The following TET2 variants were observed in gnomAD, a reference collection of about 807,000 sequenced individuals.
The protein encoded by TET2 is tet methylcytosine dioxygenase 2.
Under a neutral mutation model 142.9 loss-of-function variants are expected in TET2, and 299 were observed. The observed-to-expected ratio is 2.09, with a 90% CI of 1.90 to 2.30. The LOEUF (loss-of-function observed/expected upper bound fraction) is 2.30. TET2 is among the 30% of genes most tolerant of loss of function. TET2 has a pLI of 0.00. For synonymous variants in TET2, 819 were observed against 849.0 expected, an observed-to-expected ratio of 0.96 and a Z score of 0.61; for missense variants, 2,418 against 2,378.0, an observed-to-expected ratio of 1.02 and a Z score of -0.35.
At position 105,240,277 on chromosome 4, in the gene TET2, T is replaced by A. The variant is rs1015421582; in HGVS notation, c.3410-1062T>A. On this transcript the variant is annotated intron_variant, in intron 3 of 10. Transcript: ENST00000380013. ...TTCAGTTTGTAAAAGTCACAGTAAC[T>A]GTGACTCACAAAAGAACAAAGCACA... 6.3e-6 allele frequency: 6 copies of A among 953,532 alleles called. No homozygotes were observed. In the African/African-American group the frequency reaches 1.0e-4, roughly 17 times the overall value. 59.1% of individuals were successfully genotyped at this position (953,532 alleles called of 1,614,324 possible).
intron 2 of TET2, among the ~76,000 whole-genome samples, chr4:105,233,383 C>CAAAAAAAAAA (rs34890297): frequency 0.43 from 32,064 of 75,262 alleles, 8,508 homozygotes; most frequent in Non-Finnish European, 0.49. Context: ...GACTCCATCT[C>CAAAAAAAAAA]AAAAAAAAAA....
intron 6 of TET2, among the ~76,000 whole-genome samples, chr4:105,248,355 C>T (rs1043788941): frequency 1.3e-5 from 2 of 152,062 alleles, no homozygotes; most frequent in African/African-American, 4.8e-5. Context: ...TTTTTCTATG[C>T]TGTATACATT....
intron 2 of TET2, among the ~76,000 whole-genome samples, chr4:105,211,092 C>T (rs1018110556): frequency 4.6e-5 from 7 of 152,192 alleles, no homozygotes; most frequent in African/African-American, 1.4e-4. Context: ...CTCTTCTCCT[C>T]AGCTATATCA....
chr4:105,204,639 A>C (rs1726709586), intron 2 of TET2, among the ~76,000 whole-genome samples: 1 of 152,174 alleles, frequency 6.6e-6, no homozygotes, highest in Non-Finnish European at 1.5e-5. Context: ...AGTTTAAAGA[A>C]TATTTTCAAT....
At chr4:105,244,153 T>G (rs1016199349) in intron 6 of TET2, among the ~76,000 whole-genome samples, 4 of 152,222 alleles carry the variant, frequency 2.6e-5, no homozygotes, top group Non-Finnish European at 5.9e-5. Flanking sequence ...AAACAGAAAG[T>G]AAGTCTAATG....
At chr4:105,204,230 T>C (rs1291513737) in intron 2 of TET2, among the ~76,000 whole-genome samples, 2 of 100,500 alleles carry the variant, frequency 2.0e-5, no homozygotes, top group South Asian at 2.8e-4. Context: ...AAAAAAAAAA[T>C]ATATACACAC....
chr4:105,201,732 C>CTTTTTTTT, intron 2 of TET2, among the ~76,000 whole-genome samples: 1 of 63,052 alleles, frequency 1.6e-5, no homozygotes, highest in Non-Finnish European at 2.7e-5. Flanking sequence ...CATCCAGGAC[C>CTTTTTTTT]TTTTTTTTTT....
chr4:105,211,480 C>A (rs2110546234), intron 2 of TET2, among the ~76,000 whole-genome samples: 1 of 152,158 alleles, frequency 6.6e-6, no homozygotes. Context: ...CCAGTCCAGC[C>A]CCCTGAGGTG....
At chr4:105,190,722 G>C in intron 2 of TET2, 1 of 450,842 alleles carries the variant, frequency 2.2e-6, no homozygotes, top group Non-Finnish European at 3.9e-6. Flanking sequence ...TTTTTCTGGA[G>C]AAAGATAGAT....
chr4:105,234,917 A>G lies in TET2; in HGVS notation c.975A>G (p.Gln325=). 1 of 1,614,100 alleles carries G rather than the reference A, an allele frequency of 6.2e-7. No homozygotes were observed. The highest frequency in any genetic ancestry group is 8.5e-7 in the Non-Finnish European group (1 of 1,180,006). ...SFQKPEQLQQ[Q]KSVFEICPSP... The stretch of plus-strand genomic sequence containing the variant: ...AGAAACCAGAACAACTACAACAACA[A>G]AAATCAGTTTTTGAGATATGCCCAT... Residue 325 remains glutamine, a synonymous_variant, in exon 3 of 11, where the codon CAA becomes CAG. Transcript: ENST00000380013.
Position 105,276,837 on chromosome 4 carries a change from A to ACCC in TET2, c.*318_*319insCCC, listed in dbSNP as rs1560575159. On this transcript the variant is annotated 3_prime_UTR_variant, in exon 11 of 11. Transcript: ENST00000380013. ...TTGGACGAGATGATATGTAAATGTG[A>ACCC]TCCCCCCCCCCCGCTTACAACTCTA... The ACCC allele has an allele frequency of 4.3e-5, 7 of 161,522 alleles. No homozygotes were observed. The highest frequency in any genetic ancestry group is 2.3e-4 in the African/African-American group (5 of 21,860). The allele number at this position is 161,522 out of a possible 1,614,324, so 10.0% of individuals were successfully genotyped here.
chr4:105,180,908 GA>G (rs369728860), intron 1 of TET2, among the ~76,000 whole-genome samples: 238 of 152,266 alleles, frequency 1.6e-3, no homozygotes, highest in African/African-American at 5.6e-3. Flanking sequence ...CAAAGTGCTG[GA>G]ATTACAGGCG....
At position 105,233,383 on chromosome 4, in the gene TET2, C is replaced by CAAAAAAAAAAAAAAAAAAAA. The variant is rs34890297; in HGVS notation, c.-46-496_-46-495insAAAAAAAAAAAAAAAAAAAA. On this transcript the variant is annotated intron_variant, in intron 2 of 10. Transcript: ENST00000380013. ...TGGGCAAGAGAGTGAGACTCCATCTCAAAAAAAAAAAAAAAAAAGCTACTG... is the reference window on the plus strand; with the variant it reads ...TGGGCAAGAGAGTGAGACTCCATCTCAAAAAAAAAAAAAAAAAAAAAAAAAAAAAAAAAAAAAAGCTACTG... Among the ~76,000 whole-genome samples the CAAAAAAAAAAAAAAAAAAAA allele has an allele frequency of 2.1e-4, 16 of 76,140 alleles. 4 individuals are homozygous for CAAAAAAAAAAAAAAAAAAAA. The highest frequency in any genetic ancestry group is 6.8e-4 in the African/African-American group (11 of 16,278). 50.0% of individuals were successfully genotyped at this position (76,140 alleles called of 152,430 possible). A position where few individuals can be genotyped will look rare whatever the true frequency, so the allele number is the denominator to read the frequency against.
intron 1 of TET2, among the ~76,000 whole-genome samples, chr4:105,186,986 A>AT (rs1411816810): frequency 6.6e-6 from 1 of 152,180 alleles, no homozygotes; most frequent in African/African-American, 2.4e-5. Flanking sequence ...TGTTTTGGGC[A>AT]TATAAAACTA....
intron 5 of TET2, among the ~76,000 whole-genome samples, chr4:105,243,339 A>G (rs572357919): frequency 2.1e-4 from 32 of 152,298 alleles, no homozygotes; most frequent in Admixed American, 1.8e-3. Context: ...ATAGTCTGCT[A>G]AACATTAAGG....
intron 2 of TET2, among the ~76,000 whole-genome samples, chr4:105,194,104 A>G (rs951527936): frequency 6.6e-6 from 1 of 152,090 alleles, no homozygotes; most frequent in Non-Finnish European, 1.5e-5. Flanking sequence ...CTCCATACTG[A>G]GACTCTCCTC....
Position 105,204,193 on chromosome 4 carries a change from G to A in TET2, c.-47+13688G>A, listed in dbSNP as rs567097274. Among the ~76,000 whole-genome samples, 179 of 139,130 alleles carry A rather than the reference G, an allele frequency of 1.3e-3. 1 individual carries two copies. Among genetic ancestry groups the A allele is most frequent in the Middle Eastern group, 4.0e-3 (1 of 252 alleles). The allele number at this position is 139,130 out of a possible 152,430, so 91.3% of individuals were successfully genotyped here. A position where few individuals can be genotyped will look rare whatever the true frequency, so the allele number is the denominator to read the frequency against. On this transcript the variant is annotated intron_variant, in intron 2 of 10. Coordinates refer to ENST00000380013, the MANE Select transcript of TET2 (RefSeq NM_001127208.3). ...AGCCTGGGCGACGGAGTGAGACTCC[G>A]TCTCAAAAAACAAAAACAAACCAAA... is the stretch of plus-strand genomic sequence containing the variant.
chr4:105,206,030 C>T (rs1006249437), intron 2 of TET2, among the ~76,000 whole-genome samples: 14 of 152,310 alleles, frequency 9.2e-5, no homozygotes, highest in Non-Finnish European at 1.6e-4. Flanking sequence ...GCCCACCCCA[C>T]AACCCACACC....
Position 105,262,881 on chromosome 4 carries a change from C to CAA in TET2, c.4044+1047_4044+1048dup, listed in dbSNP as rs34819518. 4.9e-3 allele frequency among the ~76,000 whole-genome samples: 662 copies of CAA among 133,776 alleles called. 3 individuals are homozygous for CAA. The highest frequency in any genetic ancestry group is 0.016 in the African/African-American group (604 of 36,636). 87.8% of individuals were successfully genotyped at this position (133,776 alleles called of 152,430 possible). ...AGGCAACAAGAGCGAAACTCCATCTCAAAAAAAAAAAAAAATTCATCTTTA... is the reference window on the plus strand; with the variant it reads ...AGGCAACAAGAGCGAAACTCCATCTCAAAAAAAAAAAAAAAAATTCATCTTTA... On this transcript the variant is annotated intron_variant, in intron 8 of 10. Transcript: ENST00000380013.
Sources: gnomAD v4.1 joint callset for allele counts (sites outside exome capture counted in the v4.1 genomes callset) on GRCh38, gnomAD v4.1.1 for gene constraint, MANE v1.5 for transcripts, NCBI Gene and HGNC (gene_info 2026-07-23, HGNC 2026-07-21) for gene names.